ANKRD6: variants seen among roughly 807,000 people sequenced by gnomAD.
ANKRD6 encodes ankyrin repeat domain-containing protein 6.
In ANKRD6, 56 loss-of-function variants were observed where a neutral mutation model predicts 82.3. The observed-to-expected ratio is 0.68, with a 90% confidence interval of 0.55 to 0.85. The LOEUF is 0.85. Among genes scored for constraint, ANKRD6 ranks in the 40% least tolerant of loss-of-function variants. The pLI is 0.00. For synonymous variants in ANKRD6, 347 were observed against 352.1 expected (o/e 0.99, Z 0.16); for missense variants, 852 against 907.6 (o/e 0.94, Z 0.79).
intron 5 of ANKRD6, 99 bp downstream of exon 5, chr6:89,606,204 C>A: frequency 1.1e-6 from 1 of 945,894 alleles, no homozygotes; most frequent in South Asian, 2.1e-5. Flanking sequence ...AGAGTGAGAG[C>A]CCAGAGTGGC....
intron 5 of ANKRD6, 64 bp from the exon 6 acceptor site, chr6:89,612,208 G>A: frequency 7.0e-7 from 1 of 1,437,894 alleles, no homozygotes; most frequent in South Asian, 1.2e-5. Flanking sequence ...CCCTCTGCAA[G>A]GCATGCAAGT....
intron 9 of ANKRD6, 62 bp downstream of exon 9, chr6:89,618,093 CT>C (rs1295306160): frequency 6.4e-7 from 1 of 1,564,426 alleles, no homozygotes; most frequent in African/African-American, 1.4e-5. Flanking sequence ...GTTGGGACTC[CT>C]GGTTGCAATC....
intron 1 of ANKRD6, among the ~76,000 whole-genome samples, chr6:89,551,166 G>T (rs1056221471): frequency 3.9e-5 from 6 of 152,156 alleles, no homozygotes; most frequent in African/African-American, 1.4e-4. Flanking sequence ...TTCTTGTTAG[G>T]AAGGGGGTGG....
intron 1 of ANKRD6, among the ~76,000 whole-genome samples, chr6:89,438,101 C>G (rs779849354): frequency 3.3e-5 from 5 of 152,224 alleles, no homozygotes; most frequent in Non-Finnish European, 7.3e-5. Flanking sequence ...TCAATAGTTG[C>G]ATTTATCTTA....
intron 1 of ANKRD6, among the ~76,000 whole-genome samples, chr6:89,540,773 G>A (rs1406527738): frequency 6.6e-6 from 1 of 152,174 alleles, no homozygotes; most frequent in Non-Finnish European, 1.5e-5. Context: ...TTAGATTTAA[G>A]TCTTTAATCC....
At position 89,623,420 on chromosome 6, in the gene ANKRD6, C is replaced by G; in HGVS notation, c.908C>G (p.Ser303Ter). ...DEVAQSKGSV[S>*]AGDTPSSEQA... ...TTTTTCCTTCTGTAGGGCAGTGTCTCAGCAGGAGACACCCCCAGCAGTGAA... is the reference window on the plus strand; with the variant it reads ...TTTTTCCTTCTGTAGGGCAGTGTCTGAGCAGGAGACACCCCCAGCAGTGAA... Residue 303 changes from serine to a stop codon, truncating the protein, a stop_gained, in exon 11 of 16, where the codon TCA becomes TGA. Coordinates refer to ENST00000339746, the MANE Select transcript of ANKRD6 (RefSeq NM_001242809.2). LOFTEE classifies it high-confidence loss of function. 6.2e-7 allele frequency: 1 copy of G among 1,612,644 alleles called. No homozygotes were observed. The highest frequency in any genetic ancestry group is 1.3e-5 in the African/African-American group (1 of 75,038).
intron 1 of ANKRD6, among the ~76,000 whole-genome samples, chr6:89,552,715 G>A (rs748528064): frequency 2.6e-5 from 4 of 152,084 alleles, no homozygotes; most frequent in African/African-American, 7.2e-5. Context: ...TAGCTCCCTA[G>A]CGTATTCTCC....
rs61159223 is a variant in ANKRD6 at position 89,579,756 on chromosome 6, C to CAAAAAAAAAAAAAA, written c.120+12669_120+12682dup. ...TGGGCCACAGAGCAAGACCCTGTCT[C>CAAAAAAAAAAAAAA]AAAAAAAAAAAAAAAAAAAAAAGGC... On this transcript the variant is annotated intron_variant, in intron 2 of 15. Coordinates refer to ENST00000339746, the MANE Select transcript of ANKRD6 (RefSeq NM_001242809.2). Among the ~76,000 whole-genome samples the CAAAAAAAAAAAAAA allele has an allele frequency of 2.9e-5, 2 of 68,508 alleles. 1 individual carries two copies. Among genetic ancestry groups the CAAAAAAAAAAAAAA allele is most frequent in the Non-Finnish European group, 4.9e-5 (2 of 40,680 alleles). 44.9% of individuals were successfully genotyped at this position (68,508 alleles called of 152,430 possible).
At chr6:89,533,283 G>A (rs969749167) in intron 1 of ANKRD6, among the ~76,000 whole-genome samples, 2 of 152,258 alleles carry the variant, frequency 1.3e-5, no homozygotes, top group African/African-American at 4.8e-5. Flanking sequence ...CACTTTAATA[G>A]ACTGAGGCCC....
chr6:89,442,815 A>G (rs918484050), intron 1 of ANKRD6, among the ~76,000 whole-genome samples: 2 of 152,148 alleles, frequency 1.3e-5, no homozygotes, highest in Non-Finnish European at 2.9e-5. Context: ...CTTATTATGT[A>G]GGTGAAGTCT....
intron 1 of ANKRD6, among the ~76,000 whole-genome samples, chr6:89,530,767 C>G (rs1160659869): frequency 6.6e-6 from 1 of 152,188 alleles, no homozygotes; most frequent in East Asian, 1.9e-4. Flanking sequence ...AAATGGAGAA[C>G]TGGATTCTGA....
intron 4 of ANKRD6, among the ~76,000 whole-genome samples, chr6:89,605,659 C>T (rs1798354784): frequency 6.6e-6 from 1 of 152,158 alleles, no homozygotes; most frequent in African/African-American, 2.4e-5. Flanking sequence ...GCATGCTATC[C>T]TGATGATGCT....
intron 1 of ANKRD6, among the ~76,000 whole-genome samples, chr6:89,464,781 A>G (rs1173853122): frequency 6.6e-6 from 1 of 152,202 alleles, no homozygotes; most frequent in Non-Finnish European, 1.5e-5. Context: ...GATGGGACCT[A>G]CCTTGGCCTT....
intron 1 of ANKRD6, among the ~76,000 whole-genome samples, chr6:89,495,467 G>A (rs1000223299): frequency 2.0e-5 from 3 of 152,128 alleles, no homozygotes; most frequent in Admixed American, 1.3e-4. Context: ...CAGCTCTTTT[G>A]ATGGGCTCAC....
intron 1 of ANKRD6, among the ~76,000 whole-genome samples, chr6:89,441,446 C>T (rs924036779): frequency 6.6e-6 from 1 of 152,156 alleles, no homozygotes; most frequent in Non-Finnish European, 1.5e-5. Context: ...AGCCACTGCA[C>T]CTGGCCGAAT....
At chr6:89,596,127 A>G (rs368477727) in intron 3 of ANKRD6, 113 bp downstream of exon 3, 2 of 890,604 alleles carry the variant, frequency 2.2e-6, no homozygotes, top group East Asian at 2.7e-5. Flanking sequence ...CTCGCAGCAC[A>G]TTTTAGCTGC....
At chr6:89,477,695 C>CG (rs1247187140) in intron 1 of ANKRD6, among the ~76,000 whole-genome samples, 8 of 146,742 alleles carry the variant, frequency 5.5e-5, no homozygotes, top group Admixed American at 4.2e-4. Context: ...GGCATGAACC[C>CG]GGGGGGTGGA....
intron 1 of ANKRD6, among the ~76,000 whole-genome samples, chr6:89,468,176 C>G (rs1775056300): frequency 1.3e-5 from 2 of 152,094 alleles, no homozygotes; most frequent in African/African-American, 4.8e-5. Context: ...TTCTGAAGTT[C>G]CGGTCAGAGA....
chr6:89,451,983 G>A (rs1437452208), intron 1 of ANKRD6, among the ~76,000 whole-genome samples: 5 of 152,122 alleles, frequency 3.3e-5, no homozygotes, highest in Non-Finnish European at 1.5e-5. Flanking sequence ...GAATACATGA[G>A]GCCAGGAGTT....
Sources: gnomAD v4.1 joint callset for allele counts (sites outside exome capture counted in the v4.1 genomes callset) on GRCh38, gnomAD v4.1.1 for gene constraint, MANE v1.5 for transcripts, NCBI Gene and HGNC (gene_info 2026-07-23, HGNC 2026-07-21) for gene names.